SUCO: variants seen among roughly 807,000 people sequenced by gnomAD.
SUCO encodes SUN domain-containing ossification factor.
In SUCO, 57 loss-of-function variants were observed where a neutral mutation model predicts 148.1. That is an observed-to-expected ratio of 0.38 (90% confidence interval 0.31 to 0.48). SUCO has a LOEUF of 0.48. Ranked by LOEUF, SUCO falls within the 20% of genes least tolerant of loss-of-function variation. The pLI, the probability that SUCO is intolerant of heterozygous loss-of-function variation, is 0.96. For missense variants in SUCO, 1,331 were observed against 1,468.2 expected (o/e 0.91, Z 1.53); for synonymous variants, 470 against 502.7 (o/e 0.93, Z 0.87).
Position 172,555,935 on chromosome 1 carries a change from G to C in SUCO, c.355G>C (p.Glu119Gln), listed in dbSNP as rs1431208745. The C allele has an allele frequency of 1.9e-6, 3 of 1,613,010 alleles. No individual in the cohort carries two copies. Among genetic ancestry groups the C allele is most frequent in the Non-Finnish European group, 1.7e-6 (2 of 1,179,216 alleles). The change falls in exon 4 of 24, where the codon GAG (glutamate) becomes CAG (glutamine). Residue 119 changes from glutamate (E) to glutamine (Q), a missense_variant. Physicochemically the swap from Glu to Gln is conservative, Grantham distance 29. Coordinates refer to ENST00000263688, the MANE Select transcript of SUCO (RefSeq NM_014283.5). ...ETLPTVDLHE[E>Q]SSNAVVDSET... ...ACTCCCTACAGTTGATTTGCATGAA[G>C]AGTCTTCCAATGCAGTTGTGGACAG...
intron 10 of SUCO, chr1:172,574,988 G>C: frequency 1.6e-6 from 1 of 616,048 alleles, no homozygotes. Flanking sequence ...TTTTTTTAAC[G>C]TGGTGAGAGG....
chr1:172,542,937 T>G, intron 1 of SUCO: 1 of 985,328 alleles, frequency 1.0e-6, no homozygotes, highest in South Asian at 4.7e-5. Context: ...AGGGAAGTGA[T>G]TGATAGCTTT....
chr1:172,581,820 A>T (rs1655903727), intron 15 of SUCO, among the ~76,000 whole-genome samples: 1 of 152,206 alleles, frequency 6.6e-6, no homozygotes, highest in South Asian at 2.1e-4. Flanking sequence ...AGTTATAGGA[A>T]ATATGTCACC....
Position 172,557,726 on chromosome 1 carries a change from T to G in SUCO, c.664T>G (p.Ser222Ala), listed in dbSNP as rs140466117. ...ITKSEFESKV[S>A]ASEQGGGDPK... ...AAAATCAGAATTTGAATCAAAAGTT[T>G]CAGCAAGTGAACAGGGCGGTGGTGA... The change falls in exon 6 of 24, where the codon TCA (serine) becomes GCA (alanine). Residue 222 changes from serine to alanine, a missense_variant. This residue lies in a region of SUCO where 992 missense variants were observed against 1,093.5 expected (regional missense o/e 0.91). Transcript: ENST00000263688. 936 of 1,613,106 alleles carry G rather than the reference T, an allele frequency of 5.8e-4. No homozygotes were observed. The highest frequency in any genetic ancestry group is 7.7e-4 in the Non-Finnish European group (913 of 1,179,682).
chr1:172,557,807 C>A lies in SUCO; in HGVS notation c.732+13C>A. ...TTTAAAAAATGAGGTAGGTATATAA[C>A]TTGCACTATCTCTTACTTCTTTATG... On this transcript the variant is annotated intron_variant, in intron 6 of 23. Coordinates refer to ENST00000263688, the MANE Select transcript of SUCO (RefSeq NM_014283.5). 6.4e-7 allele frequency: 1 copy of A among 1,567,026 alleles called. No homozygotes were observed. Among genetic ancestry groups the A allele is most frequent in the Non-Finnish European group, 8.6e-7 (1 of 1,159,970 alleles).
chr1:172,560,428 C>A (rs1163082983), intron 6 of SUCO, among the ~76,000 whole-genome samples: 2 of 152,146 alleles, frequency 1.3e-5, no homozygotes, highest in Admixed American at 1.3e-4. Context: ...ACATACTCTA[C>A]CTTGTTCAGC....
chr1:172,532,927 C>G, upstream of SUCO: 3 of 1,366,432 alleles, frequency 2.2e-6, no homozygotes, highest in Non-Finnish European at 2.9e-6. Flanking sequence ...GCTTTGTGGT[C>G]TCCTGCCTCC....
chr1:172,544,188 G>A, intron 1 of SUCO: 2 of 934,990 alleles, frequency 2.1e-6, no homozygotes, highest in Non-Finnish European at 2.6e-6. Flanking sequence ...CTGTACAAGG[G>A]ATTAACTTTG....
intron 11 of SUCO, among the ~76,000 whole-genome samples, chr1:172,576,502 T>C (rs1314970152): frequency 6.6e-6 from 1 of 151,698 alleles, no homozygotes; most frequent in African/African-American, 2.4e-5. Context: ...TATTCTCAGT[T>C]AATTCAAAAT....
At chr1:172,542,949 G>A (rs955219810) in intron 1 of SUCO, 1 of 985,216 alleles carries the variant, frequency 1.0e-6, no homozygotes, top group African/African-American at 1.7e-5. Flanking sequence ...GATAGCTTTT[G>A]GGAGTGGAGA....
chr1:172,559,855 G>A (rs1654015630), intron 6 of SUCO, among the ~76,000 whole-genome samples: 1 of 152,098 alleles, frequency 6.6e-6, no homozygotes, highest in Admixed American at 6.5e-5. Context: ...ACAGAAATTT[G>A]CTTCCGTCTG....
chr1:172,552,645 A>G (rs1653388438), intron 2 of SUCO: 4 of 980,594 alleles, frequency 4.1e-6, no homozygotes, highest in Non-Finnish European at 4.8e-6. Flanking sequence ...GACTTGCCGC[A>G]TATCTCAAAA....
Position 172,610,418 on chromosome 1 carries a change from A to G in SUCO, c.*159A>G, listed in dbSNP as rs1030237289. 8.8e-7 allele frequency: 1 copy of G among 1,134,880 alleles called. No individual in the cohort carries two copies. Among genetic ancestry groups the G allele is most frequent in the African/African-American group, 1.6e-5 (1 of 62,582 alleles). The allele number at this position is 1,134,880 out of a possible 1,614,324, so 70.3% of individuals were successfully genotyped here. ...TTTAAAAAGTAGATGGGATTGTGTC[A>G]ATCTTGGTTAATGAGCTACAGTTTT... On this transcript the variant is annotated 3_prime_UTR_variant, in exon 24 of 24. Transcript: ENST00000263688.
Position 172,533,260 on chromosome 1 carries a change from C to A in SUCO, c.-176C>A. On this transcript the variant is annotated 5_prime_UTR_variant, in exon 1 of 24. Transcript: ENST00000263688. Reference sequence around the variant, plus strand: ...CCCCTGTCCGCGCCTCTGTGGGGCCCTCAGAGAGGGCTGCCAGGACGCGAG... The same window carrying A: ...CCCCTGTCCGCGCCTCTGTGGGGCCATCAGAGAGGGCTGCCAGGACGCGAG... The A allele has an allele frequency of 6.5e-7, 1 of 1,549,046 alleles. No individual in the cohort carries two copies. The highest frequency in any genetic ancestry group is 8.7e-7 in the Non-Finnish European group (1 of 1,146,830).
chr1:172,569,685 C>T (rs1416800709), intron 7 of SUCO, among the ~76,000 whole-genome samples: 8 of 151,658 alleles, frequency 5.3e-5, no homozygotes, highest in Admixed American at 5.3e-4. Context: ...TGCGTGTGTA[C>T]CCCAGAGCTT....
At chr1:172,590,531 CT>C in intron 18 of SUCO, 1 of 199,650 alleles carries the variant, frequency 5.0e-6, no homozygotes, top group Non-Finnish European at 9.0e-6. Context: ...ATTGTCTGTC[CT>C]TAGGGCTTCT....
upstream of SUCO, chr1:172,532,566 C>T (rs77112568): frequency 4.3e-6 from 7 of 1,613,948 alleles, no homozygotes; most frequent in South Asian, 6.6e-5. Flanking sequence ...CTTGGTGCAG[C>T]TTCCCTCACA....
chr1:172,553,130 A>G (rs2149229188), intron 2 of SUCO, 130 bp from the exon 3 acceptor site: 2 of 1,013,232 alleles, frequency 2.0e-6, no homozygotes, highest in East Asian at 5.4e-5. Context: ...TACAAATGAA[A>G]TTAATTAGAG....
rs925309576 is a variant in SUCO, at chr1:172,608,822, T to A, written c.3321+20T>A. On this transcript the variant is annotated intron_variant, in intron 23 of 23. Transcript: ENST00000263688. ...AAGAAGGTAATTGTTTATTTCTTTT[T>A]AAGTTTATTGCTATGTTTTGTGATA... The A allele has an allele frequency of 2.0e-6, 3 of 1,475,972 alleles. No individual in the cohort carries two copies. The highest frequency in any genetic ancestry group is 1.4e-5 in the African/African-American group (1 of 71,006). 91.4% of individuals were successfully genotyped at this position (1,475,972 alleles called of 1,614,324 possible).
Sources: allele counts gnomAD v4.1 joint callset (sites outside exome capture counted in the v4.1 genomes callset), GRCh38; gene constraint gnomAD v4.1.1; regional missense constraint gnomAD v4.1.1; transcripts MANE v1.5; gene names NCBI Gene and HGNC (gene_info 2026-07-23, HGNC 2026-07-21).